Variants in MED24 observed in about 807,000 individuals in gnomAD.
MED24 encodes the protein mediator of RNA polymerase II transcription subunit 24.
In MED24, 74 loss-of-function variants were observed where a neutral mutation model predicts 118.8. That is an observed-to-expected ratio of 0.62 (90% CI 0.52 to 0.76). The LOEUF (loss-of-function observed/expected upper bound fraction) is 0.76. Ranked by LOEUF, MED24 falls within the 30% of genes least tolerant of loss-of-function variation. The pLI is 0.00. For missense variants in MED24, 1,041 were observed against 1,278.9 expected (o/e 0.81, Z 2.84); for synonymous variants, 521 against 523.9 (o/e 0.99, Z 0.08).
Position 40,035,302 on chromosome 17 carries a change from A to G in MED24, c.374T>C (p.Leu125Pro). Residue 125 changes from leucine (L) to proline (P), a missense_variant, in exon 6 of 26, where the codon CTT becomes CCT. Around this residue, in one of 3 missense-constraint regions of MED24, gnomAD observed 434 missense variants for 514.9 expected, o/e 0.84. Coordinates refer to ENST00000394128, the MANE Select transcript of MED24 (RefSeq NM_014815.4). Reference protein sequence around the residue: ...EECIGLCRALLSALHWLLRCT... With the variant: ...EECIGLCRALPSALHWLLRCT... The stretch of plus-strand genomic sequence containing the variant: ...GCGCAGCAGCCAGTGGAGGGCGCTA[A>G]GAAGGGCTCGGCACAGTCCGATGCA... 1 of 1,611,556 alleles carries G rather than the reference A, an allele frequency of 6.2e-7. No individual in the cohort carries two copies. Among genetic ancestry groups the G allele is most frequent in the Non-Finnish European group, 8.5e-7 (1 of 1,178,008 alleles).
intron 3 of MED24, among the ~76,000 whole-genome samples, chr17:40,051,532 TA>T (rs1985845801): frequency 2.6e-5 from 4 of 151,888 alleles, no homozygotes; most frequent in Non-Finnish European, 5.9e-5. Context: ...GAGAATCACT[TA>T]AACCTGGGAG....
intron 10 of MED24, among the ~76,000 whole-genome samples, chr17:40,031,829 C>G (rs1326037903): frequency 6.6e-6 from 1 of 152,176 alleles, no homozygotes; most frequent in Non-Finnish European, 1.5e-5. Flanking sequence ...CGCTGAAACA[C>G]ACACACTGAA....
intron 19 of MED24, among the ~76,000 whole-genome samples, chr17:40,024,574 C>T (rs1355191115): frequency 1.3e-5 from 2 of 152,110 alleles, no homozygotes; most frequent in African/African-American, 2.4e-5. Flanking sequence ...ACATCCTCAA[C>T]GTTGCCATAA....
At chr17:40,046,901 A>G (rs1257255035) in intron 3 of MED24, among the ~76,000 whole-genome samples, 2 of 152,040 alleles carry the variant, frequency 1.3e-5, no homozygotes, top group Non-Finnish European at 1.5e-5. Flanking sequence ...ACAAAAATGT[A>G]AAAATTATCA....
At chr17:40,032,936 C>A in intron 8 of MED24, 120 bp downstream of exon 8, 1 of 1,455,926 alleles carries the variant, frequency 6.9e-7, no homozygotes, top group South Asian at 1.3e-5. Flanking sequence ...CTGGCACCCA[C>A]TTTCCATCAT....
At position 40,039,106 on chromosome 17, in the gene MED24, G is replaced by A. The variant is rs116933146; in HGVS notation, c.214-2952C>T. On this transcript the variant is annotated intron_variant, in intron 3 of 25. Coordinates refer to ENST00000394128, the MANE Select transcript of MED24 (RefSeq NM_014815.4). The stretch of plus-strand genomic sequence containing the variant: ...CACTGAACACTGACCCTCAAATGCC[G>A]GGAGAGAAACCCCCAATTATGCATG... 4.1e-3 allele frequency among the ~76,000 whole-genome samples: 621 copies of A among 152,278 alleles called. 16 individuals carry two copies. The highest frequency in any genetic ancestry group is 0.028 in the Admixed American group (431 of 15,282).
intron 6 of MED24, among the ~76,000 whole-genome samples, chr17:40,034,094 TAA>T (rs1983682691): frequency 6.6e-6 from 1 of 152,170 alleles, no homozygotes. Flanking sequence ...CACTGAACTA[TAA>T]GTTACTTATC....
Position 40,019,875 on chromosome 17 carries a change from G to C in MED24, c.2763C>G (p.Thr921=). ...ILGSRTAGPH[T]QFVQWFMEEC... ...CCTCCATGAACCACTGCACGAACTG[G>C]GTGTGGGGGCCAGCGGTGCGAGACC... Residue 921 remains threonine, a synonymous_variant, in exon 25 of 26, where the codon ACC becomes ACG. Transcript: ENST00000394128. The C allele has an allele frequency of 1.9e-6, 3 of 1,587,428 alleles. No homozygotes were observed. Among genetic ancestry groups the C allele is most frequent in the Non-Finnish European group, 2.6e-6 (3 of 1,166,160 alleles).
chr17:40,021,129 C>T (rs1981942838), intron 23 of MED24: 1 of 153,100 alleles, frequency 6.5e-6, no homozygotes, highest in Non-Finnish European at 1.5e-5. Flanking sequence ...CACAGAGGGA[C>T]CTCAGATACA....
chr17:40,020,294 C>A lies in MED24; in HGVS notation c.2683G>T (p.Asp895Tyr). ...ASQLHTVNMR[D>Y]PLNRVLANLF... Reference sequence around the variant, plus strand: ...TCACCCAGGACTCGGTTCAGAGGGTCCCGCATGTTGACCGTGTGGAGCTGA... The same window carrying A: ...TCACCCAGGACTCGGTTCAGAGGGTACCGCATGTTGACCGTGTGGAGCTGA... Residue 895 changes from aspartate (D) to tyrosine (Y), a missense_variant, in exon 24 of 26, where the codon GAC (aspartate) becomes TAC (tyrosine). Around this residue, in one of 3 missense-constraint regions of MED24, gnomAD observed 587 missense variants for 694.4 expected, o/e 0.85. Transcript: ENST00000394128. 1 of 1,572,570 alleles carries A rather than the reference C, an allele frequency of 6.4e-7. No homozygotes were observed. Among genetic ancestry groups the A allele is most frequent in the Non-Finnish European group, 8.6e-7 (1 of 1,159,852 alleles).
intron 24 of MED24, 168 bp downstream of exon 24, chr17:40,020,105 G>GCCCGCCC: frequency 1.4e-6 from 1 of 716,060 alleles, no homozygotes; most frequent in Non-Finnish European, 2.3e-6. Context: ...GGAGGAGGGG[G>GCCCGCCC]AACTAGACAG....
intron 16 of MED24, 134 bp downstream of exon 16, chr17:40,027,249 G>A (rs57029590): frequency 4.3e-6 from 5 of 1,164,144 alleles, no homozygotes; most frequent in Non-Finnish European, 4.8e-6. Context: ...ACTCCAGCCC[G>A]GGTGGGCACC....
At chr17:40,020,397 G>A (rs1470344552) in intron 23 of MED24, 44 bp from the exon 24 acceptor site, 65 of 1,561,734 alleles carry the variant, frequency 4.2e-5, no homozygotes, top group Non-Finnish European at 5.5e-5. Context: ...AGCCTGCCGA[G>A]TGCAAAAGTG....
Position 40,033,179 on chromosome 17 carries a change from CGCAT to C in MED24, c.695_698del (p.His232ArgfsTer15). The stretch of plus-strand genomic sequence containing the variant: ...GGAAGCCGGTCTTGTGCATCTGCTC[CGCAT>C]GCACAGACAGCATCGTGGGGATGCT... On this transcript the variant is annotated frameshift_variant, in exon 8 of 26. Coordinates refer to ENST00000394128, the MANE Select transcript of MED24 (RefSeq NM_014815.4). LOFTEE classifies it high-confidence loss of function. The surrounding 1 kb of genome is among the most constrained non-coding windows in gnomAD (Gnocchi z 5.2). 1.9e-6 allele frequency: 3 copies of C among 1,614,054 alleles called. No homozygotes were observed. Among genetic ancestry groups the C allele is most frequent in the Non-Finnish European group, 2.5e-6 (3 of 1,180,022 alleles).
In MED24 at chr17:40,032,088, AATC is replaced by A; in HGVS notation, c.937-1_938del. 1 of 1,613,656 alleles carries A rather than the reference AATC, an allele frequency of 6.2e-7. No homozygotes were observed. Among genetic ancestry groups the A allele is most frequent in the Non-Finnish European group, 8.5e-7 (1 of 1,179,790 alleles). ...TCTTCAACTTCACCAAAACCTGTGG[AATC>A]TAGGGGGTGAGGCAGGGGGAAAAAC... On this transcript the variant is annotated splice_acceptor_variant and coding_sequence_variant, in exon 10 of 26. Coordinates refer to ENST00000394128, the MANE Select transcript of MED24 (RefSeq NM_014815.4). LOFTEE classifies it high-confidence loss of function.
At chr17:40,051,280 C>G (rs992203878) in intron 3 of MED24, among the ~76,000 whole-genome samples, 3 of 151,006 alleles carry the variant, frequency 2.0e-5, no homozygotes, top group Admixed American at 2.0e-4. Context: ...CACTGTACTC[C>G]ACCCTGGGTG....
At chr17:40,041,088 C>A (rs764978990) in intron 3 of MED24, among the ~76,000 whole-genome samples, 3 of 152,132 alleles carry the variant, frequency 2.0e-5, no homozygotes, top group Non-Finnish European at 4.4e-5. Flanking sequence ...TACCTGCACA[C>A]CTTCCATTGA....
chr17:40,035,054 T>C (rs1983778888), intron 6 of MED24, 63 bp downstream of exon 6: 2 of 1,610,228 alleles, frequency 1.2e-6, no homozygotes, highest in African/African-American at 1.3e-5. Flanking sequence ...CTCTCCCTTC[T>C]CAATTAAAGG....
At chr17:40,037,573 A>C (rs959828484) in intron 3 of MED24, among the ~76,000 whole-genome samples, 1 of 152,172 alleles carries the variant, frequency 6.6e-6, no homozygotes, top group African/African-American at 2.4e-5. Flanking sequence ...CCAATACACA[A>C]GTCACTAGCC....
Sources: allele counts gnomAD v4.1 joint callset (sites outside exome capture counted in the v4.1 genomes callset), GRCh38; gene constraint gnomAD v4.1.1; regional missense constraint gnomAD v4.1.1; non-coding constraint Gnocchi (gnomAD v3.1); transcripts MANE v1.5; gene names NCBI Gene and HGNC (gene_info 2026-07-23, HGNC 2026-07-21).